Variants in MIEF1 observed in about 807,000 individuals in gnomAD.
MIEF1 encodes the protein mitochondrial elongation factor 1, also known as mitochondrial dynamics protein MIEF1.
MIEF1 carries 14 observed loss-of-function variants against 35.1 expected under a neutral mutation model. That is an observed-to-expected ratio of 0.40 (90% CI 0.26 to 0.62). The LOEUF is 0.62. Among genes scored for constraint, MIEF1 ranks in the 20% least tolerant of loss-of-function variants. MIEF1 has a pLI of 0.43. For synonymous variants in MIEF1, 245 were observed against 254.3 expected (o/e 0.96, Z 0.35); for missense variants, 542 against 615.4 (o/e 0.88, Z 1.26).
At chr22:39,509,121 AT>A (rs397766211) in intron 2 of MIEF1, among the ~76,000 whole-genome samples, 4 of 151,834 alleles carry the variant, frequency 2.6e-5, no homozygotes, top group South Asian at 2.1e-4. Flanking sequence ...TGCCTGGCTA[AT>A]TTTTTGTATT....
chr22:39,509,904 A>G (rs1930244625), intron 2 of MIEF1, among the ~76,000 whole-genome samples: 1 of 152,218 alleles, frequency 6.6e-6, no homozygotes, highest in South Asian at 2.1e-4. Context: ...ATGGTACAGT[A>G]GAAAAAGCGT....
intron 1 of MIEF1, chr22:39,503,331 A>G (rs978001601): frequency 2.6e-5 from 4 of 152,212 alleles, no homozygotes; most frequent in Admixed American, 1.3e-4. Context: ...GTTATGTGAG[A>G]CATGCTTCGA....
At position 39,502,421 on chromosome 22, in the gene MIEF1, G is replaced by C. The variant is rs1601739375; in HGVS notation, c.-356G>C. On this transcript the variant is annotated 5_prime_UTR_variant, in exon 1 of 6. It removes the in-frame stop codon of an upstream open reading frame in the 5' UTR. Coordinates refer to ENST00000325301, the MANE Select transcript of MIEF1 (RefSeq NM_019008.6). ...CAGAGGCGAGTCCTGCGGAGTGGTAGCGCGCACGGCCTGCGGGTGAGTGAG... is the reference window on the plus strand; with the variant it reads ...CAGAGGCGAGTCCTGCGGAGTGGTACCGCGCACGGCCTGCGGGTGAGTGAG... 1.3e-5 allele frequency: 2 copies of C among 152,378 alleles called. No homozygotes were observed. The highest frequency in any genetic ancestry group is 2.4e-5 in the African/African-American group (1 of 41,474). The allele number at this position is 152,378 out of a possible 1,614,324, so 9.4% of individuals were successfully genotyped here. A position where few individuals can be genotyped will look rare whatever the true frequency, so the allele number is the denominator to read the frequency against.
chr22:39,512,588 T>G (rs1291859567), intron 5 of MIEF1, 94 bp downstream of exon 5: 5 of 1,474,808 alleles, frequency 3.4e-6, no homozygotes, highest in Non-Finnish European at 4.5e-6. Context: ...CCAGAAAGAC[T>G]GAGGTCTTAC....
intron 1 of MIEF1, chr22:39,502,963 T>G (rs1221708782): frequency 2.0e-5 from 3 of 152,162 alleles, no homozygotes; most frequent in African/African-American, 7.2e-5. Flanking sequence ...AGTCCAATCT[T>G]TTTTTCCAGC....
At position 39,517,642 on chromosome 22, in the gene MIEF1, TTC is replaced by T. The variant is rs753654420; in HGVS notation, c.*3321_*3322del. On this transcript the variant is annotated 3_prime_UTR_variant, in exon 6 of 6. Transcript: ENST00000325301. ...TGGGACTGACTTGGCTGAGAACGTG[TTC>T]TGTCAGAGGATTTGTTAGAACTCTG... is the stretch of plus-strand genomic sequence containing the variant. The T allele has an allele frequency of 3.6e-5, 17 of 470,766 alleles. No homozygotes were observed. The highest frequency in any genetic ancestry group is 7.1e-5 in the Non-Finnish European group (16 of 226,938). 29.2% of individuals were successfully genotyped at this position (470,766 alleles called of 1,614,324 possible).
chr22:39,515,238 C>T lies in MIEF1; in HGVS notation c.*915C>T. 1.4e-6 allele frequency: 1 copy of T among 716,140 alleles called. No individual in the cohort carries two copies. 44.4% of individuals were successfully genotyped at this position (716,140 alleles called of 1,614,324 possible). On this transcript the variant is annotated 3_prime_UTR_variant, in exon 6 of 6. Coordinates refer to ENST00000325301, the MANE Select transcript of MIEF1 (RefSeq NM_019008.6). ...ATTTTATTGCCAATCAGGACAAGGC[C>T]TTGAAGGAACGCAGCCTTAGACATC...
intron 5 of MIEF1, 111 bp downstream of exon 5, chr22:39,512,605 C>T (rs779102714): frequency 5.8e-6 from 8 of 1,377,524 alleles, no homozygotes; most frequent in East Asian, 2.3e-5. Flanking sequence ...TTACAGCTTC[C>T]GAATCCTGTG....
At chr22:39,500,439 C>T (rs544124129), upstream of MIEF1, 5 of 150,842 alleles carry the variant, frequency 3.3e-5, no homozygotes, top group South Asian at 4.2e-4. Flanking sequence ...TCCCTCCCTC[C>T]GAAAAATAAC....
rs536286318 is a variant in MIEF1 at position 39,514,264 on chromosome 22, G to A, written c.1333G>A (p.Glu445Lys). ...AGAGCTCACCCCTGAAGAAATAGAC[G>A]AATTAGGATACACTCTGTATTGCTC... is the stretch of plus-strand genomic sequence containing the variant. ...FAELTPEEID[E>K]LGYTLYCSLS... Residue 445 changes from glutamate (E) to lysine (K), a missense_variant, in exon 6 of 6, where the codon GAA (glutamate) becomes AAA (lysine). By Grantham distance (56) the Glu-to-Lys change is moderately conservative. Coordinates refer to ENST00000325301, the MANE Select transcript of MIEF1 (RefSeq NM_019008.6). The A allele has an allele frequency of 1.2e-5, 20 of 1,614,160 alleles. No homozygotes were observed. The highest frequency in any genetic ancestry group is 8.9e-5 in the East Asian group (4 of 44,890).
At chr22:39,508,411 T>G (rs1381387994) in intron 2 of MIEF1, among the ~76,000 whole-genome samples, 2 of 152,236 alleles carry the variant, frequency 1.3e-5, no homozygotes, top group African/African-American at 2.4e-5. Context: ...CTGGCCCTGC[T>G]GCATCACACT....
rs185510785 is a variant in MIEF1, at chr22:39,512,095, G to A, written c.322+69G>A. 415 of 1,567,628 alleles carry A rather than the reference G, an allele frequency of 2.6e-4. 1 individual carries two copies. In the African/African-American group the frequency reaches 5.2e-3, roughly 20 times the overall value. ...AGTACCACTCCTGCACTCAGCAGAT[G>A]TTTCCTGAGCACATCTGTGCCAGGC... On this transcript the variant is annotated intron_variant, in intron 4 of 5. Coordinates refer to ENST00000325301, the MANE Select transcript of MIEF1 (RefSeq NM_019008.6).
In MIEF1 at chr22:39,516,977, GCC is replaced by G. The variant is rs1249664031; in HGVS notation, c.*2655_*2656del. The G allele has an allele frequency of 6.6e-6, 1 of 152,306 alleles. No individual in the cohort carries two copies. Among genetic ancestry groups the G allele is most frequent in the East Asian group, 1.9e-4 (1 of 5,192 alleles). The allele number at this position is 152,306 out of a possible 1,614,324, so 9.4% of individuals were successfully genotyped here. Reference sequence around the variant, plus strand: ...GACTGGGCAAGCCGTTCTTTTTGCTGCCATCTTCCTCATCATAAAGTGTGGAA... The same window carrying G: ...GACTGGGCAAGCCGTTCTTTTTGCTGATCTTCCTCATCATAAAGTGTGGAA... On this transcript the variant is annotated 3_prime_UTR_variant, in exon 6 of 6. Transcript: ENST00000325301.
At chr22:39,509,724 T>C (rs1222382333) in intron 2 of MIEF1, among the ~76,000 whole-genome samples, 1 of 152,224 alleles carries the variant, frequency 6.6e-6, no homozygotes. Flanking sequence ...TGCGCACTTC[T>C]CTCAAGAAAC....
Position 39,515,328 on chromosome 22 carries a change from G to A in MIEF1, c.*1005G>A, listed in dbSNP as rs1408365697. 1.4e-6 allele frequency: 1 copy of A among 717,540 alleles called. No homozygotes were observed. Among genetic ancestry groups the A allele is most frequent in the Admixed American group, 2.0e-5 (1 of 50,000 alleles). The allele number at this position is 717,540 out of a possible 1,614,324, so 44.4% of individuals were successfully genotyped here. On this transcript the variant is annotated 3_prime_UTR_variant, in exon 6 of 6. Coordinates refer to ENST00000325301, the MANE Select transcript of MIEF1 (RefSeq NM_019008.6). ...GCTGGAAAATCCAGTCACTAGTTGG[G>A]GTTTGGTGGCCATGTTTTCTACCCA...
chr22:39,505,013 T>G (rs1407158393), intron 2 of MIEF1, among the ~76,000 whole-genome samples: 2 of 152,014 alleles, frequency 1.3e-5, no homozygotes, highest in African/African-American at 4.8e-5. Context: ...GTCAGCATGG[T>G]GAAACCCTGT....
At position 39,513,604 on chromosome 22, in the gene MIEF1, A is replaced by T. The variant is rs772943231; in HGVS notation, c.673A>T (p.Met225Leu). The T allele has an allele frequency of 6.2e-7, 1 of 1,614,094 alleles. No individual in the cohort carries two copies. Among genetic ancestry groups the T allele is most frequent in the South Asian group, 1.1e-5 (1 of 91,092 alleles). Residue 225 changes from methionine to leucine, a missense_variant, in exon 6 of 6, where the codon ATG (methionine) becomes TTG (leucine). Physicochemically the swap from Met to Leu is conservative, Grantham distance 15. Coordinates refer to ENST00000325301, the MANE Select transcript of MIEF1 (RefSeq NM_019008.6). ...WSCIPGEDTI[M>L]NVPGFFLVRR... ...ATGTATTCCTGGTGAAGACACCATC[A>T]TGAATGTCCCTGGCTTCTTCCTGGT...
At chr22:39,501,473 G>GCGGTGGCCC (rs1174403566), upstream of MIEF1, among the ~76,000 whole-genome samples, 3 of 152,226 alleles carry the variant, frequency 2.0e-5, no homozygotes, top group Non-Finnish European at 4.4e-5. Context: ...CTAGGAGCCA[G>GCGGTGGCCC]CGGTGGCCCC....
At chr22:39,503,471 G>A (rs1929859778) in intron 1 of MIEF1, 2 of 152,234 alleles carry the variant, frequency 1.3e-5, no homozygotes, top group Admixed American at 1.3e-4. Flanking sequence ...ATATGCTTGT[G>A]TAAGGGTTTA....
Sources: gnomAD v4.1 joint callset for allele counts (sites outside exome capture counted in the v4.1 genomes callset) on GRCh38, gnomAD v4.1.1 for gene constraint, MANE v1.5 for transcripts, NCBI Gene and HGNC (gene_info 2026-07-23, HGNC 2026-07-21) for gene names.